PXN: variants seen among roughly 807,000 people sequenced by gnomAD.
PXN encodes testicular tissue protein Li 134.
PXN carries 61 observed loss-of-function variants against 103.6 expected under a neutral mutation model. The observed-to-expected ratio is 0.59, with a 90% confidence interval of 0.48 to 0.73. The LOEUF is 0.73. Among genes scored for constraint, PXN ranks in the 30% least tolerant of loss-of-function variants. The probability of loss-of-function intolerance (pLI) is 0.00; values close to 1 mark genes in which losing one functional copy is unlikely to be tolerated. For missense variants in PXN, 1,274 were observed against 1,460.3 expected, an observed-to-expected ratio of 0.87 and a Z score of 2.08; for synonymous variants, 562 against 607.8, an observed-to-expected ratio of 0.92 and a Z score of 1.11.
At chr12:120,262,008 G>C (rs1893952226) in intron 1 of PXN, among the ~76,000 whole-genome samples, 1 of 152,192 alleles carries the variant, frequency 6.6e-6, no homozygotes, top group Non-Finnish European at 1.5e-5. Context: ...CGCTGCATGG[G>C]TAAATGCCGC....
intron 1 of PXN, among the ~76,000 whole-genome samples, chr12:120,249,352 G>A (rs1038891033): frequency 6.6e-6 from 1 of 152,238 alleles, no homozygotes; most frequent in African/African-American, 2.4e-5. Context: ...GAATGGATCA[G>A]TCCAGAAGCA....
chr12:120,225,099 G>A lies in PXN; in HGVS notation c.14-722C>T, dbSNP rs1594416395. The A allele has an allele frequency of 9.4e-6, 2 of 212,016 alleles. No individual in the cohort carries two copies. The highest frequency in any genetic ancestry group is 2.3e-4 in the East Asian group (2 of 8,784). 13.1% of individuals were successfully genotyped at this position (212,016 alleles called of 1,614,324 possible). ...CCCCCACTGTTCTGCTTTTAACAGCGGCAAGGGAGCCAAATCAGCCCTCTA... is the reference window on the plus strand; with the variant it reads ...CCCCCACTGTTCTGCTTTTAACAGCAGCAAGGGAGCCAAATCAGCCCTCTA... On this transcript the variant is annotated intron_variant, in intron 1 of 14. Transcript: ENST00000637617. This position sits in a 1 kb window ranked among gnomAD's most constrained non-coding sequence, Gnocchi z 4.4.
chr12:120,249,543 C>A (rs1891807507), intron 1 of PXN, among the ~76,000 whole-genome samples: 1 of 152,096 alleles, frequency 6.6e-6, no homozygotes, highest in Non-Finnish European at 1.5e-5. Flanking sequence ...GATGGTGACA[C>A]CCCAGCCCCC....
At position 120,214,733 on chromosome 12, in the gene PXN, C is replaced by T. The variant is rs1480795012; in HGVS notation, c.2748+92G>A. On this transcript the variant is annotated intron_variant, in intron 12 of 14. Transcript: ENST00000637617. The surrounding 1 kb of genome is among the most constrained non-coding windows in gnomAD (Gnocchi z 5.0). ...TGTGAGCCTCGGGCATGTGACCTCT[C>T]TGAGCCTCCCACGGCACCCCCTGCA... 34 of 1,525,022 alleles carry T rather than the reference C, an allele frequency of 2.2e-5. 2 individuals are homozygous for T. In the South Asian group the frequency reaches 3.5e-4, roughly 16 times the overall value. The allele number at this position is 1,525,022 out of a possible 1,614,324, so 94.5% of individuals were successfully genotyped here. A position where few individuals can be genotyped will look rare whatever the true frequency, so the allele number is the denominator to read the frequency against.
Position 120,212,787 on chromosome 12 carries a change from A to C in PXN, c.2980-207T>G. On this transcript the variant is annotated intron_variant, in intron 14 of 14. Transcript: ENST00000637617. The surrounding 1 kb of genome is among the most constrained non-coding windows in gnomAD (Gnocchi z 7.2). Reference sequence around the variant, plus strand: ...TTTGTAGAGATGGGGGTCTCACTATATTGCCCATGCTGGTCAAATGTGGCC... The same window carrying C: ...TTTGTAGAGATGGGGGTCTCACTATCTTGCCCATGCTGGTCAAATGTGGCC... The C allele has an allele frequency of 1.9e-6, 1 of 520,278 alleles. No individual in the cohort carries two copies. Among genetic ancestry groups the C allele is most frequent in the Non-Finnish European group, 3.3e-6 (1 of 305,996 alleles). 32.2% of individuals were successfully genotyped at this position (520,278 alleles called of 1,614,324 possible). A position where few individuals can be genotyped will look rare whatever the true frequency, so the allele number is the denominator to read the frequency against.
At chr12:120,218,282 G>A (rs544673238) in intron 7 of PXN, among the ~76,000 whole-genome samples, 12 of 152,152 alleles carry the variant, frequency 7.9e-5, no homozygotes, top group African/African-American at 2.7e-4. Context: ...GGGCTCAAGC[G>A]ATCCTCTTGC....
intron 1 of PXN, among the ~76,000 whole-genome samples, chr12:120,245,373 A>G (rs1594489003): frequency 6.6e-6 from 1 of 152,154 alleles, no homozygotes; most frequent in Admixed American, 6.5e-5. Context: ...ACAGGCAGGG[A>G]AACTAGCCAG....
rs1887356220 is a variant in PXN, at chr12:120,228,484, G to A, written c.14-4107C>T. 6.6e-6 allele frequency among the ~76,000 whole-genome samples: 1 copy of A among 152,226 alleles called. No homozygotes were observed. Among genetic ancestry groups the A allele is most frequent in the South Asian group, 2.1e-4 (1 of 4,834 alleles). ...CTATGTCCTGGCTCCGCCCTGGTGA[G>A]GAAGGGGTGCAGACTGTCTGCTGCT... is the stretch of plus-strand genomic sequence containing the variant. On this transcript the variant is annotated intron_variant, in intron 1 of 14. Transcript: ENST00000637617. The surrounding 1 kb of genome is among the most constrained non-coding windows in gnomAD (Gnocchi z 4.7).
In PXN at chr12:120,229,756, T is replaced by C. The variant is rs1441502995; in HGVS notation, c.14-5379A>G. 6.6e-6 allele frequency among the ~76,000 whole-genome samples: 1 copy of C among 152,112 alleles called. No individual in the cohort carries two copies. Among genetic ancestry groups the C allele is most frequent in the Non-Finnish European group, 1.5e-5 (1 of 68,008 alleles). On this transcript the variant is annotated intron_variant, in intron 1 of 14. Coordinates refer to ENST00000637617, the MANE Select transcript of PXN (RefSeq NM_001385981.1). This position sits in a 1 kb window ranked among gnomAD's most constrained non-coding sequence, Gnocchi z 4.0. Reference sequence around the variant, plus strand: ...GGAGGGGAAAGAAATCACCTCCCCGTCCTATCCAATCCCTGAGGGCAAAGG... The same window carrying C: ...GGAGGGGAAAGAAATCACCTCCCCGCCCTATCCAATCCCTGAGGGCAAAGG...
At chr12:120,242,881 TAA>T (rs63089761) in intron 1 of PXN, among the ~76,000 whole-genome samples, 194 of 132,648 alleles carry the variant, frequency 1.5e-3, no homozygotes, top group Middle Eastern at 3.9e-3. Context: ...ACTCGGGCTT[TAA>T]AAAAAAAAAA....
rs1448303149 is a variant in PXN, at chr12:120,265,641, G to A, written c.-12C>T. The A allele has an allele frequency of 6.8e-7, 1 of 1,475,136 alleles. No homozygotes were observed. The highest frequency in any genetic ancestry group is 1.5e-5 in the African/African-American group (1 of 68,280). The allele number at this position is 1,475,136 out of a possible 1,614,324, so 91.4% of individuals were successfully genotyped here. On this transcript the variant is annotated 5_prime_UTR_variant, in exon 1 of 15. Transcript: ENST00000637617. This position sits in a 1 kb window ranked among gnomAD's most constrained non-coding sequence, Gnocchi z 5.7. Reference sequence around the variant, plus strand: ...CCGAGGTCGTCCATGGCCGGACCACGGGCGCCGGCTCAGGGTCGCGCTAGC... The same window carrying A: ...CCGAGGTCGTCCATGGCCGGACCACAGGCGCCGGCTCAGGGTCGCGCTAGC...
At chr12:120,230,463 C>G (rs1041545981) in intron 1 of PXN, among the ~76,000 whole-genome samples, 1 of 152,182 alleles carries the variant, frequency 6.6e-6, no homozygotes, top group African/African-American at 2.4e-5. Flanking sequence ...GGCCTCCTTA[C>G]AGTTGCCCAC....
At chr12:120,247,823 C>T (rs1891427093) in intron 1 of PXN, 1 of 152,180 alleles carries the variant, frequency 6.6e-6, no homozygotes, top group South Asian at 2.1e-4. Context: ...AACAGAATAG[C>T]AGTTGTTTAA....
At chr12:120,250,632 C>T (rs1009887655) in intron 1 of PXN, among the ~76,000 whole-genome samples, 8 of 152,134 alleles carry the variant, frequency 5.3e-5, no homozygotes, top group African/African-American at 1.7e-4. Context: ...CTCATGAAAG[C>T]CACCAAAGAG....
chr12:120,251,690 G>A (rs541093416), intron 1 of PXN, among the ~76,000 whole-genome samples: 21 of 152,114 alleles, frequency 1.4e-4, no homozygotes, highest in African/African-American at 3.4e-4. Flanking sequence ...GGTCGTGGGC[G>A]CCTGTAATCC....
intron 1 of PXN, among the ~76,000 whole-genome samples, chr12:120,237,964 A>G (rs1249850409): frequency 3.3e-5 from 5 of 152,122 alleles, no homozygotes; most frequent in African/African-American, 1.2e-4. Context: ...CGCTGGTGGG[A>G]TGGCATCACT....
Position 120,212,271 on chromosome 12 carries a change from G to C in PXN, c.*43C>G. 6.3e-7 allele frequency: 1 copy of C among 1,594,734 alleles called. No homozygotes were observed. The highest frequency in any genetic ancestry group is 1.7e-5 in the Admixed American group (1 of 59,104). On this transcript the variant is annotated 3_prime_UTR_variant, in exon 15 of 15. Transcript: ENST00000637617. This position sits in a 1 kb window ranked among gnomAD's most constrained non-coding sequence, Gnocchi z 7.2. ...GTCTCTAGGTCACAGTCGCAGTTGG[G>C]GATGCTGGCTGGGGAAGGGGGGCAG...
intron 1 of PXN, among the ~76,000 whole-genome samples, chr12:120,231,616 C>T (rs1209347001): frequency 6.6e-6 from 1 of 152,160 alleles, no homozygotes; most frequent in African/African-American, 2.4e-5. Flanking sequence ...TTCCTACAGG[C>T]CTAGCTTAGG....
In PXN at chr12:120,220,081, G is replaced by A; in HGVS notation, c.842C>T (p.Ser281Phe). 8.1e-7 allele frequency: 1 copy of A among 1,239,052 alleles called. No homozygotes were observed. The highest frequency in any genetic ancestry group is 1.1e-6 in the Non-Finnish European group (1 of 896,546). The allele number at this position is 1,239,052 out of a possible 1,614,324, so 76.8% of individuals were successfully genotyped here. The change falls in exon 7 of 15, where the codon TCC becomes TTC. Residue 281 changes from serine (S) to phenylalanine (F), a missense_variant. Around this residue, in one of 2 missense-constraint regions of PXN, gnomAD observed 1,178 missense variants for 1,309.0 expected, o/e 0.90. Coordinates refer to ENST00000637617, the MANE Select transcript of PXN (RefSeq NM_001385981.1). This position sits in a 1 kb window ranked among gnomAD's most constrained non-coding sequence, Gnocchi z 6.1. The stretch of plus-strand genomic sequence containing the variant: ...CCCCGGGGCACTCAGAGCCACAGTG[G>A]AGGAGCTGGTCTGGAGAAGAGAGAA... The part of the protein sequence containing the change: ...ASLSDFKTSS[S>F]TVALSAPGLS...
Sources: allele counts gnomAD v4.1 joint callset (sites outside exome capture counted in the v4.1 genomes callset), GRCh38; gene constraint gnomAD v4.1.1; regional missense constraint gnomAD v4.1.1; non-coding constraint Gnocchi (gnomAD v3.1); transcripts MANE v1.5; gene names NCBI Gene and HGNC (gene_info 2026-07-23, HGNC 2026-07-21).